OXR1: variants seen among roughly 807,000 people sequenced by gnomAD.
The protein encoded by OXR1 is oxidation resistance protein 1.
OXR1 carries 41 observed loss-of-function variants against 104.6 expected under a neutral mutation model. That is an observed-to-expected ratio of 0.39 (90% CI 0.31 to 0.51). The LOEUF is 0.51. Ranked by LOEUF, OXR1 falls within the 20% of genes least tolerant of loss-of-function variation. OXR1 has a pLI of 0.77. For synonymous variants in OXR1, 348 were observed against 348.4 expected, an observed-to-expected ratio of 1.00 and a Z score of 0.01; for missense variants, 955 against 1,031.9, an observed-to-expected ratio of 0.93 and a Z score of 1.02.
rs1489335470 is a variant in OXR1 at position 106,684,344 on chromosome 8, A to G, written c.510A>G (p.Glu170=). Residue 170 remains glutamate (E), a synonymous_variant, in exon 6 of 17, where the codon GAA becomes GAG. Transcript: ENST00000517566. ...SPLSPTSSEA[E]FDKTTNPDVH... is the part of the protein sequence containing the mutation. ...TGTCACCAACATCATCTGAGGCTGAATTTGATAAGACCACTGTAAGTATCT... is the reference window on the plus strand; with the variant it reads ...TGTCACCAACATCATCTGAGGCTGAGTTTGATAAGACCACTGTAAGTATCT... The G allele has an allele frequency of 3.2e-6, 5 of 1,565,984 alleles. No individual in the cohort carries two copies. The South Asian group carries it at 4.4e-5, about 14-fold the overall frequency.
intron 1 of OXR1, among the ~76,000 whole-genome samples, chr8:106,314,611 A>C (rs7013285): frequency 0.2 from 30,095 of 152,116 alleles, 4,654 homozygotes; most frequent in African/African-American, 0.43. Flanking sequence ...TAGGAACATG[A>C]ACTTATAAAT....
At chr8:106,452,798 A>G (rs1323788860) in intron 2 of OXR1, among the ~76,000 whole-genome samples, 1 of 152,096 alleles carries the variant, frequency 6.6e-6, no homozygotes. Flanking sequence ...TGTGGAATCC[A>G]ATTTACAGTA....
At chr8:106,305,997 T>C (rs1373123216) in intron 1 of OXR1, among the ~76,000 whole-genome samples, 1 of 152,102 alleles carries the variant, frequency 6.6e-6, no homozygotes, top group Non-Finnish European at 1.5e-5. Context: ...GAGTTATTTC[T>C]TATTTTTAGG....
At chr8:106,564,192 G>A (rs897073113) in intron 3 of OXR1, among the ~76,000 whole-genome samples, 1 of 152,074 alleles carries the variant, frequency 6.6e-6, no homozygotes, top group Admixed American at 6.6e-5. Context: ...ATGAATCCAG[G>A]AGCCAGTTTT....
At chr8:106,433,760 C>T (rs973765652) in intron 2 of OXR1, among the ~76,000 whole-genome samples, 1 of 152,148 alleles carries the variant, frequency 6.6e-6, no homozygotes, top group Non-Finnish European at 1.5e-5. Context: ...AACTGTGGCT[C>T]ATTATCCCAC....
intron 3 of OXR1, among the ~76,000 whole-genome samples, chr8:106,555,928 G>GTGTATATATATATATA (rs1554593236): frequency 2.8e-5 from 4 of 142,538 alleles, no homozygotes; most frequent in African/African-American, 1.0e-4. Context: ...GTATATATAT[G>GTGTATATATATATATA]TACATATATA....
chr8:106,670,772 C>G (rs1222917999), intron 3 of OXR1, among the ~76,000 whole-genome samples: 1 of 151,858 alleles, frequency 6.6e-6, no homozygotes, highest in Non-Finnish European at 1.5e-5. Context: ...GTGAGAAGTT[C>G]TAATATGTAT....
chr8:106,312,282 G>A (rs985557069), intron 1 of OXR1, among the ~76,000 whole-genome samples: 2 of 152,158 alleles, frequency 1.3e-5, no homozygotes, highest in Non-Finnish European at 2.9e-5. Context: ...TCAATCTCAA[G>A]TCAGCCCAAG....
intron 6 of OXR1, among the ~76,000 whole-genome samples, chr8:106,691,649 C>T (rs951380660): frequency 4.1e-5 from 6 of 147,784 alleles, no homozygotes; most frequent in Admixed American, 2.0e-4. Flanking sequence ...TATACACACA[C>T]ATATATTTAT....
At chr8:106,497,696 T>C (rs1811503764) in intron 2 of OXR1, among the ~76,000 whole-genome samples, 1 of 152,202 alleles carries the variant, frequency 6.6e-6, no homozygotes, top group Non-Finnish European at 1.5e-5. Context: ...ACTCTGATGT[T>C]TGTTTCAGTT....
intron 2 of OXR1, among the ~76,000 whole-genome samples, chr8:106,478,582 T>C (rs1407941144): frequency 6.6e-6 from 1 of 151,806 alleles, no homozygotes; most frequent in Non-Finnish European, 1.5e-5. Context: ...TGGTAGAGAA[T>C]TTTTTGTTTA....
rs148459299 is a variant in OXR1 at position 106,575,369 on chromosome 8, TC to T, written c.220+56231del. ...CTTAAACTAATTCTACTAGTTTTTT[TC>T]ATATCACCCTCACTAGCATTATTAC... is the stretch of plus-strand genomic sequence containing the variant. On this transcript the variant is annotated intron_variant, in intron 3 of 16. Transcript: ENST00000517566. 4.0e-3 allele frequency among the ~76,000 whole-genome samples: 602 copies of T among 152,268 alleles called. 3 individuals are homozygous for T. The highest frequency in any genetic ancestry group is 0.013 in the African/African-American group (560 of 41,560).
chr8:106,323,763 CCAAT>C (rs1004687285), intron 1 of OXR1, among the ~76,000 whole-genome samples: 15 of 151,906 alleles, frequency 9.9e-5, no homozygotes, highest in Admixed American at 8.5e-4. Flanking sequence ...GAAAAAAAGC[CCAAT>C]ATCACTGACC....
chr8:106,365,067 C>T (rs1034126734), intron 2 of OXR1, among the ~76,000 whole-genome samples: 8 of 151,892 alleles, frequency 5.3e-5, no homozygotes, highest in Non-Finnish European at 1.2e-4. Flanking sequence ...TTATTAGCCC[C>T]GGTTTTATAG....
chr8:106,450,306 T>C (rs572985156), intron 2 of OXR1, among the ~76,000 whole-genome samples: 1 of 152,300 alleles, frequency 6.6e-6, no homozygotes, highest in South Asian at 2.1e-4. Flanking sequence ...CTTAAATTAC[T>C]CCATATCACC....
At chr8:106,625,011 C>T (rs1436948836) in intron 3 of OXR1, among the ~76,000 whole-genome samples, 1 of 152,024 alleles carries the variant, frequency 6.6e-6, no homozygotes, top group Non-Finnish European at 1.5e-5. Flanking sequence ...AAGATGGTAT[C>T]GAATTCCTGG....
At chr8:106,317,046 T>A (rs1813996601) in intron 1 of OXR1, among the ~76,000 whole-genome samples, 1 of 151,936 alleles carries the variant, frequency 6.6e-6, no homozygotes, top group Non-Finnish European at 1.5e-5. Flanking sequence ...AATTTTGAAT[T>A]TTAAGAGCAA....
intron 11 of OXR1, among the ~76,000 whole-genome samples, chr8:106,727,063 A>G (rs945937708): frequency 2.6e-5 from 4 of 152,228 alleles, no homozygotes; most frequent in Non-Finnish European, 5.9e-5. Flanking sequence ...TAAAATTTTA[A>G]TAGGTGTTAT....
intron 3 of OXR1, among the ~76,000 whole-genome samples, chr8:106,564,470 C>G (rs1417451917): frequency 1.3e-5 from 2 of 151,968 alleles, no homozygotes; most frequent in African/African-American, 4.8e-5. Context: ...ATAACAAGTT[C>G]TGAAATTGAG....
Sources: allele counts gnomAD v4.1 joint callset (sites outside exome capture counted in the v4.1 genomes callset), GRCh38; gene constraint gnomAD v4.1.1; transcripts MANE v1.5; gene names NCBI Gene and HGNC (gene_info 2026-07-23, HGNC 2026-07-21).